TENM4: variants seen among roughly 807,000 people sequenced by gnomAD.
TENM4 encodes teneurin-4.
Under a neutral mutation model 243.3 loss-of-function variants are expected in TENM4, and 82 were observed. The observed-to-expected ratio is 0.34, with a 90% CI of 0.28 to 0.40. The LOEUF is 0.40. TENM4 is among the 10% of genes least tolerant of loss of function. The pLI is 1.00. For synonymous variants in TENM4, 1,412 were observed against 1,456.3 expected, an observed-to-expected ratio of 0.97 and a Z score of 0.69; for missense variants, 3,138 against 3,673.3, an observed-to-expected ratio of 0.85 and a Z score of 3.77.
chr11:78,881,060 T>C (rs1855421188), intron 9 of TENM4, among the ~76,000 whole-genome samples: 1 of 152,248 alleles, frequency 6.6e-6, no homozygotes, highest in Non-Finnish European at 1.5e-5. Flanking sequence ...TGTATGTACA[T>C]TATATCTCAA....
chr11:78,658,695 T>G lies in TENM4; in HGVS notation c.7673A>C (p.Lys2558Thr). The change falls in exon 34 of 34, where the codon AAG becomes ACG. Residue 2558 changes from lysine (K) to threonine (T), a missense_variant. This residue lies in a region of TENM4 where 2,467 missense variants were observed against 3,059.1 expected (regional missense o/e 0.81). Transcript: ENST00000278550. ...TSCQQAPKTK[K>T]FASSGSVFGK... Reference sequence around the variant, plus strand: ...AAAGACTGAGCCGCTGGATGCAAACTTCTTGGTCTTTGGAGCCTGCTGGCA... The same window carrying G: ...AAAGACTGAGCCGCTGGATGCAAACGTCTTGGTCTTTGGAGCCTGCTGGCA... 2 of 1,614,000 alleles carry G rather than the reference T, an allele frequency of 1.2e-6. No individual in the cohort carries two copies. The highest frequency in any genetic ancestry group is 1.7e-6 in the Non-Finnish European group (2 of 1,179,898).
At chr11:79,115,667 T>C (rs1427860968) in intron 4 of TENM4, among the ~76,000 whole-genome samples, 1 of 152,216 alleles carries the variant, frequency 6.6e-6, no homozygotes, top group Non-Finnish European at 1.5e-5. Context: ...TAATGTTCCA[T>C]GCTGGCCTCA....
At chr11:79,059,854 C>T (rs1860042296) in intron 6 of TENM4, among the ~76,000 whole-genome samples, 1 of 152,206 alleles carries the variant, frequency 6.6e-6, no homozygotes, top group Non-Finnish European at 1.5e-5. Flanking sequence ...AGAGCTTAGA[C>T]TGGGGCAACC....
chr11:79,172,736 C>T (rs1016023371), intron 3 of TENM4, among the ~76,000 whole-genome samples: 3 of 148,020 alleles, frequency 2.0e-5, no homozygotes, highest in Non-Finnish European at 3.0e-5. Flanking sequence ...GTGATCTTGG[C>T]TCACTGCAAC....
chr11:78,722,514 A>G (rs1034483287), intron 24 of TENM4, among the ~76,000 whole-genome samples, 154 bp downstream of exon 24: 8 of 152,170 alleles, frequency 5.3e-5, no homozygotes, highest in Non-Finnish European at 8.8e-5. Context: ...GGGAAGCAGC[A>G]CCTGCTTGAG....
chr11:79,093,799 A>G (rs1366104144), intron 4 of TENM4: 1 of 152,148 alleles, frequency 6.6e-6, no homozygotes, highest in Non-Finnish European at 1.5e-5. Flanking sequence ...TGGAGCCTCC[A>G]TTGCTCTCAA....
intron 6 of TENM4, among the ~76,000 whole-genome samples, chr11:79,052,717 C>T (rs1859830380): frequency 6.6e-6 from 1 of 152,212 alleles, no homozygotes; most frequent in Admixed American, 6.5e-5. Context: ...GGGTCGCCAT[C>T]TGCTGGCCTC....
chr11:79,401,867 C>T (rs541423107), intron 1 of TENM4, among the ~76,000 whole-genome samples: 64 of 152,206 alleles, frequency 4.2e-4, no homozygotes, highest in Non-Finnish European at 6.6e-4. Flanking sequence ...GCATTCCACC[C>T]GGGGAGGAAC....
chr11:79,302,798 G>A (rs61883564), intron 1 of TENM4, among the ~76,000 whole-genome samples: 20,290 of 152,096 alleles, frequency 0.13, 1,456 homozygotes, highest in African/African-American at 0.18. Flanking sequence ...ATCAGGCTGC[G>A]GTGTAGAGCC....
intron 4 of TENM4, among the ~76,000 whole-genome samples, chr11:79,144,000 A>C (rs932207953): frequency 1.3e-5 from 2 of 152,068 alleles, no homozygotes; most frequent in African/African-American, 4.8e-5. Context: ...CAATATCAAC[A>C]AAGTAAAGAG....
rs990989611 is a variant in TENM4, at chr11:78,704,101, ATGTG to A, written c.4210-1702_4210-1699del. 7.0e-4 allele frequency among the ~76,000 whole-genome samples: 97 copies of A among 138,552 alleles called. 1 individual carries two copies. Among genetic ancestry groups the A allele is most frequent in the African/African-American group, 2.5e-3 (90 of 35,998 alleles). The allele number at this position is 138,552 out of a possible 152,430, so 90.9% of individuals were successfully genotyped here. A position where few individuals can be genotyped will look rare whatever the true frequency, so the allele number is the denominator to read the frequency against. ...AATATATACATACATATACATATGT[ATGTG>A]TGTGTGTCTATATATATATATACAC... On this transcript the variant is annotated intron_variant, in intron 27 of 33. Coordinates refer to ENST00000278550, the MANE Select transcript of TENM4 (RefSeq NM_001098816.3).
intron 3 of TENM4, among the ~76,000 whole-genome samples, chr11:79,164,474 A>C (rs1169208676): frequency 1.6e-5 from 2 of 128,722 alleles, no homozygotes; most frequent in African/African-American, 6.2e-5. Flanking sequence ...TATAGTGTAT[A>C]TATATAGTGT....
At chr11:78,768,572 C>T (rs960429371) in intron 18 of TENM4, among the ~76,000 whole-genome samples, 1 of 152,214 alleles carries the variant, frequency 6.6e-6, no homozygotes, top group African/African-American at 2.4e-5. Flanking sequence ...GTACCCTGGA[C>T]AGGGCCTGAT....
At chr11:78,878,557 C>G (rs1241178125) in intron 9 of TENM4, among the ~76,000 whole-genome samples, 1 of 152,206 alleles carries the variant, frequency 6.6e-6, no homozygotes, top group Non-Finnish European at 1.5e-5. Context: ...CAGCTCTCTT[C>G]AGGAATCCTT....
At chr11:79,186,750 C>A (rs925277135) in intron 3 of TENM4, among the ~76,000 whole-genome samples, 3 of 152,202 alleles carry the variant, frequency 2.0e-5, no homozygotes, top group Admixed American at 2.0e-4. Context: ...TAGACCTATG[C>A]AAATAAATAC....
intron 1 of TENM4, among the ~76,000 whole-genome samples, chr11:79,339,001 T>C (rs555882452): frequency 2.0e-5 from 3 of 152,312 alleles, no homozygotes; most frequent in East Asian, 1.9e-4. Flanking sequence ...CGGGAGATGA[T>C]GGAGCTGTGT....
At chr11:78,850,152 C>T (rs555414177) in intron 12 of TENM4, among the ~76,000 whole-genome samples, 9 of 151,842 alleles carry the variant, frequency 5.9e-5, no homozygotes, top group Admixed American at 3.3e-4. Flanking sequence ...TTTGTGTGTA[C>T]GGTTTGTAAA....
chr11:79,329,136 A>G (rs1408109709), intron 1 of TENM4, among the ~76,000 whole-genome samples: 1 of 152,174 alleles, frequency 6.6e-6, no homozygotes, highest in East Asian at 1.9e-4. Context: ...CCTTCACTAG[A>G]TGAGCATTTT....
chr11:78,676,164 C>G lies in TENM4; in HGVS notation c.5484G>C (p.Gly1828=), dbSNP rs1858466472. The part of the protein sequence containing the change: ...EQARGQVTVF[G]RRLRVHNRNL... ...AGGCCTCGCTCACCCGCAGCCGGCG[C>G]CCAAAGACAGTGACCTGGCCCCGAG... The change falls in exon 30 of 34, where the codon GGG becomes GGC. Residue 1828 remains glycine, a synonymous_variant. Transcript: ENST00000278550. 4 of 1,523,012 alleles carry G rather than the reference C, an allele frequency of 2.6e-6. No homozygotes were observed. The Middle Eastern group carries it at 5.6e-4, about 214-fold the overall frequency. The allele number at this position is 1,523,012 out of a possible 1,614,324, so 94.3% of individuals were successfully genotyped here. A position where few individuals can be genotyped will look rare whatever the true frequency, so the allele number is the denominator to read the frequency against.
Sources: allele counts gnomAD v4.1 joint callset (sites outside exome capture counted in the v4.1 genomes callset), GRCh38; gene constraint gnomAD v4.1.1; regional missense constraint gnomAD v4.1.1; transcripts MANE v1.5; gene names NCBI Gene and HGNC (gene_info 2026-07-23, HGNC 2026-07-21).